DPP6: variants seen among roughly 807,000 people sequenced by gnomAD.
DPP6 encodes dipeptidyl peptidase like 6.
DPP6 carries 69 observed loss-of-function variants against 122.6 expected under a neutral mutation model. The ratio of observed to expected loss-of-function variants is 0.56; its 90% CI spans 0.46 to 0.69. DPP6 has a LOEUF of 0.69. Among genes scored for constraint, DPP6 ranks in the 30% least tolerant of loss-of-function variants. DPP6 has a pLI of 0.00. For missense variants in DPP6, 928 were observed against 1,116.9 expected, an observed-to-expected ratio of 0.83 and a Z score of 2.41; for synonymous variants, 418 against 433.1, an observed-to-expected ratio of 0.97 and a Z score of 0.43.
chr7:154,077,659 T>C (rs1803656769), intron 1 of DPP6, among the ~76,000 whole-genome samples: 1 of 148,156 alleles, frequency 6.7e-6, no homozygotes, highest in South Asian at 2.1e-4. Flanking sequence ...TTATAGATTT[T>C]ATTTATTATT....
intron 1 of DPP6, among the ~76,000 whole-genome samples, chr7:154,267,583 G>A (rs573686193): frequency 6.8e-6 from 1 of 147,478 alleles, no homozygotes; most frequent in African/African-American, 2.6e-5. Flanking sequence ...ACACATATGT[G>A]CACATACATA....
chr7:153,882,775 C>T (rs1798789263), upstream of DPP6, among the ~76,000 whole-genome samples: 3 of 151,910 alleles, frequency 2.0e-5, no homozygotes, highest in Admixed American at 2.0e-4. Flanking sequence ...CTTAGGTGCT[C>T]CCAAACATGG....
chr7:154,439,196 A>T (rs1280639440), intron 1 of DPP6, among the ~76,000 whole-genome samples: 1 of 152,172 alleles, frequency 6.6e-6, no homozygotes, highest in Non-Finnish European at 1.5e-5. Context: ...GCGTGCCAAA[A>T]ATCTACCCAG....
intron 1 of DPP6, among the ~76,000 whole-genome samples, chr7:154,120,813 C>T (rs1350902383): frequency 6.6e-6 from 1 of 152,148 alleles, no homozygotes; most frequent in African/African-American, 2.4e-5. Flanking sequence ...AAGTCTAGTC[C>T]AATGAAAGGG....
chr7:153,837,536 G>A, the DPP6 span, among the ~76,000 whole-genome samples: 3 of 152,092 alleles, frequency 2.0e-5, no homozygotes, highest in African/African-American at 7.2e-5. Context: ...ACCTTTCCAG[G>A]AAACCTGTTA....
chr7:153,853,162 T>C, the DPP6 span, among the ~76,000 whole-genome samples: 1 of 152,230 alleles, frequency 6.6e-6, no homozygotes, highest in Admixed American at 6.5e-5. Flanking sequence ...CTAACATCTT[T>C]CAATTTACCC....
chr7:154,353,710 A>T (rs1002523157), intron 1 of DPP6, among the ~76,000 whole-genome samples: 1 of 152,192 alleles, frequency 6.6e-6, no homozygotes, highest in Non-Finnish European at 1.5e-5. Flanking sequence ...GACCTCCTGC[A>T]CATGGAAGAC....
chr7:154,535,114 G>T (rs1828133969), intron 3 of DPP6, among the ~76,000 whole-genome samples: 1 of 151,944 alleles, frequency 6.6e-6, no homozygotes, highest in African/African-American at 2.4e-5. Context: ...GTAATTCAGT[G>T]GGAAAAAGAC....
chr7:153,937,190 C>T (rs1801487746), intron 1 of DPP6, among the ~76,000 whole-genome samples: 1 of 152,124 alleles, frequency 6.6e-6, no homozygotes, highest in Admixed American at 6.5e-5. Flanking sequence ...TTAGGATAGC[C>T]AGAGGAAGGC....
chr7:154,354,600 C>T (rs775099533), intron 1 of DPP6, among the ~76,000 whole-genome samples: 1 of 152,202 alleles, frequency 6.6e-6, no homozygotes, highest in Non-Finnish European at 1.5e-5. Flanking sequence ...CTTCACCATC[C>T]ATTCGGTTTG....
At chr7:154,010,804 C>T (rs1798120744) in intron 1 of DPP6, among the ~76,000 whole-genome samples, 1 of 152,218 alleles carries the variant, frequency 6.6e-6, no homozygotes, top group South Asian at 2.1e-4. Context: ...TGAAATTGTG[C>T]TTAAGAACAG....
At chr7:154,021,531 C>T (rs1798699763) in intron 1 of DPP6, among the ~76,000 whole-genome samples, 1 of 152,146 alleles carries the variant, frequency 6.6e-6, no homozygotes, top group South Asian at 2.1e-4. Context: ...ACCATTTTCA[C>T]ATAAAAATGG....
intron 1 of DPP6, among the ~76,000 whole-genome samples, chr7:154,336,293 G>C (rs1158580341): frequency 1.3e-5 from 2 of 152,178 alleles, no homozygotes; most frequent in Non-Finnish European, 2.9e-5. Flanking sequence ...GCAGGCAGAA[G>C]ATGCACGGCG....
chr7:154,028,961 G>A (rs1324528296), intron 1 of DPP6, among the ~76,000 whole-genome samples: 14 of 150,572 alleles, frequency 9.3e-5, no homozygotes, highest in African/African-American at 1.2e-4. Flanking sequence ...GAGCAGCTCC[G>A]ACCACACCAT....
At chr7:154,862,105 TCTCTTACTGAA>T (rs1284964814) in intron 17 of DPP6, among the ~76,000 whole-genome samples, 8 of 152,262 alleles carry the variant, frequency 5.3e-5, no homozygotes, top group African/African-American at 1.9e-4. Flanking sequence ...CTGGGGGAGT[TCTCTTACTGAA>T]CTCAGCCTTG....
chr7:154,816,652 C>G (rs1799443414), intron 16 of DPP6, among the ~76,000 whole-genome samples: 1 of 152,324 alleles, frequency 6.6e-6, no homozygotes, highest in Non-Finnish European at 1.5e-5. Context: ...CCTTAGTAAT[C>G]AATTGAGTTT....
intron 4 of DPP6, among the ~76,000 whole-genome samples, chr7:154,552,084 C>A (rs1829681886): frequency 6.6e-6 from 1 of 152,096 alleles, no homozygotes; most frequent in African/African-American, 2.4e-5. Flanking sequence ...TATGACCATG[C>A]CAAGTTAGGT....
At chr7:154,510,881 C>T (rs999579083) in intron 3 of DPP6, among the ~76,000 whole-genome samples, 3 of 151,818 alleles carry the variant, frequency 2.0e-5, no homozygotes, top group African/African-American at 7.3e-5. Flanking sequence ...CTTGCTCTCA[C>T]TCTCGTGCTC....
intron 1 of DPP6, among the ~76,000 whole-genome samples, chr7:154,115,378 C>G (rs1025497935): frequency 6.6e-6 from 1 of 152,214 alleles, no homozygotes; most frequent in African/African-American, 2.4e-5. Flanking sequence ...CAAAGGACTC[C>G]TCCTGGCTTT....
Sources: gnomAD v4.1 joint callset for allele counts (sites outside exome capture counted in the v4.1 genomes callset) on GRCh38, gnomAD v4.1.1 for gene constraint, MANE v1.5 for transcripts, NCBI Gene and HGNC (gene_info 2026-07-23, HGNC 2026-07-21) for gene names.